The following DYNC1LI2 variants were observed in gnomAD, a reference collection of about 807,000 sequenced individuals.
DYNC1LI2 encodes cytoplasmic dynein 1 light intermediate chain 2.
Under a neutral mutation model 57.8 loss-of-function variants are expected in DYNC1LI2, and 19 were observed. The ratio of observed to expected loss-of-function variants is 0.33; its 90% CI spans 0.23 to 0.48. The LOEUF (loss-of-function observed/expected upper bound fraction) is 0.48, where lower values mean the gene tolerates loss of function less well. DYNC1LI2 is among the 20% of genes least tolerant of loss of function. The pLI, the probability that DYNC1LI2 is intolerant of heterozygous loss-of-function variation, is 0.99. For missense variants in DYNC1LI2, 470 were observed against 604.2 expected (o/e 0.78, Z 2.33); for synonymous variants, 256 against 233.4 (o/e 1.10, Z -0.88).
At chr16:66,725,596 T>C (rs182087765) in intron 12 of DYNC1LI2, among the ~76,000 whole-genome samples, 7 of 152,318 alleles carry the variant, frequency 4.6e-5, no homozygotes, top group Admixed American at 2.0e-4. Context: ...CAACACCCAG[T>C]TCCCGAGAAC....
chr16:66,734,474 T>C (rs2017695127), intron 5 of DYNC1LI2, among the ~76,000 whole-genome samples, 163 bp from the exon 6 acceptor site: 1 of 151,290 alleles, frequency 6.6e-6, no homozygotes, highest in African/African-American at 2.4e-5. Context: ...GAGATTTTTC[T>C]CATTCATCTT....
intron 9 of DYNC1LI2, 75 bp from the exon 10 acceptor site, chr16:66,728,317 C>G: frequency 1.3e-6 from 2 of 1,538,958 alleles, no homozygotes; most frequent in Non-Finnish European, 1.8e-6. Context: ...AAAACTTACT[C>G]CAAGTACTCC....
chr16:66,728,356 G>T, intron 9 of DYNC1LI2, 114 bp from the exon 10 acceptor site: 1 of 1,242,242 alleles, frequency 8.0e-7, no homozygotes, highest in Non-Finnish European at 1.1e-6. Context: ...CAACAACTAA[G>T]TCCTATGTTT....
chr16:66,740,499 G>A (rs914604227), intron 4 of DYNC1LI2, among the ~76,000 whole-genome samples: 4 of 152,208 alleles, frequency 2.6e-5, no homozygotes, highest in African/African-American at 9.7e-5. Flanking sequence ...GGTGGTGACA[G>A]CAGAGAGGCC....
chr16:66,750,809 G>A (rs1295719474), intron 2 of DYNC1LI2, among the ~76,000 whole-genome samples: 1 of 152,108 alleles, frequency 6.6e-6, no homozygotes, highest in Non-Finnish European at 1.5e-5. Context: ...GCATAATGGA[G>A]GAAACGTCCC....
chr16:66,736,054 C>G, intron 5 of DYNC1LI2, 21 bp downstream of exon 5: 1 of 1,603,218 alleles, frequency 6.2e-7, no homozygotes, highest in African/African-American at 1.3e-5. Flanking sequence ...CCAGCCAAGC[C>G]AACAACCCCC....
Position 66,751,147 on chromosome 16 carries a change from C to T in DYNC1LI2, c.181+126G>A. ...CCACTCTCCAGCTGACCGGCCAGGG[C>T]CGACGGTCCCTTTCCCGCCAGGCTG... On this transcript the variant is annotated intron_variant, in intron 2 of 12. Coordinates refer to ENST00000258198, the MANE Select transcript of DYNC1LI2 (RefSeq NM_006141.3). This position sits in a 1 kb window ranked among gnomAD's most constrained non-coding sequence, Gnocchi z 5.2. 1 of 1,130,834 alleles carries T rather than the reference C, an allele frequency of 8.8e-7. No individual in the cohort carries two copies. The highest frequency in any genetic ancestry group is 1.6e-5 in the South Asian group (1 of 64,238). 70.1% of individuals were successfully genotyped at this position (1,130,834 alleles called of 1,614,324 possible). A position where few individuals can be genotyped will look rare whatever the true frequency, so the allele number is the denominator to read the frequency against.
intron 12 of DYNC1LI2, among the ~76,000 whole-genome samples, chr16:66,725,226 C>A (rs936997242): frequency 6.7e-5 from 10 of 150,046 alleles, no homozygotes; most frequent in Admixed American, 6.0e-4. Context: ...CACCTGTAAT[C>A]CCAGCACTTT....
chr16:66,733,193 A>G (rs1207828047), intron 6 of DYNC1LI2: 1 of 152,264 alleles, frequency 6.6e-6, no homozygotes. Flanking sequence ...TTTCTAAGAC[A>G]GTATGATAAA....
In DYNC1LI2 at chr16:66,734,303, C is replaced by T. The variant is rs772042245; in HGVS notation, c.708G>A (p.Ala236=). The stretch of plus-strand genomic sequence containing the variant: ...CGTGCTCCTTCTCCAGGACACTCAC[C>T]GCATCACACTGCAGGGAAGACAGAC... ...PVLVVCTKCD[A]VSVLEKEHDY... is the part of the protein sequence containing the mutation. Residue 236 remains alanine (A), a synonymous_variant, in exon 6 of 13, where the codon GCG becomes GCA. Transcript: ENST00000258198. 13 of 1,613,914 alleles carry T rather than the reference C, an allele frequency of 8.1e-6. No individual in the cohort carries two copies. In the Admixed American group the frequency reaches 8.3e-5, roughly 10 times the overall value.
At chr16:66,741,394 G>C (rs1000405177) in intron 4 of DYNC1LI2, among the ~76,000 whole-genome samples, 1 of 152,216 alleles carries the variant, frequency 6.6e-6, no homozygotes, top group African/African-American at 2.4e-5. Flanking sequence ...TAGCACACAT[G>C]CGGGTGACCA....
At chr16:66,741,700 A>T (rs557123445) in intron 4 of DYNC1LI2, among the ~76,000 whole-genome samples, 1 of 152,174 alleles carries the variant, frequency 6.6e-6, no homozygotes, top group East Asian at 1.9e-4. Context: ...CCATGGCTCC[A>T]GCCCCTGCCC....
In DYNC1LI2 at chr16:66,751,587, G is replaced by A. The variant is rs1334784379; in HGVS notation, c.5C>T (p.Ala2Val). Residue 2 changes from alanine to valine, a missense_variant, in exon 1 of 13, where the codon GCG becomes GTG. By Grantham distance (64) the Ala-to-Val change is moderately conservative. Coordinates refer to ENST00000258198, the MANE Select transcript of DYNC1LI2 (RefSeq NM_006141.3). This position sits in a 1 kb window ranked among gnomAD's most constrained non-coding sequence, Gnocchi z 5.2. M[A>V]PVGVEKKLLL... ...CAGCTTCTTCTCCACCCCCACCGGCGCCATCTTGCCAACTGCAGCCACAAA... is the reference window on the plus strand; with the variant it reads ...CAGCTTCTTCTCCACCCCCACCGGCACCATCTTGCCAACTGCAGCCACAAA... 5.1e-6 allele frequency: 8 copies of A among 1,574,172 alleles called. No individual in the cohort carries two copies. The African/African-American group carries it at 5.7e-5, about 11-fold the overall frequency.
intron 8 of DYNC1LI2, among the ~76,000 whole-genome samples, chr16:66,729,534 C>G (rs893596760): frequency 2.0e-5 from 3 of 151,972 alleles, no homozygotes; most frequent in Admixed American, 2.0e-4. Context: ...CACTACCCCC[C>G]ACAAACTATA....
chr16:66,737,393 A>G (rs970145823), intron 4 of DYNC1LI2, among the ~76,000 whole-genome samples: 4 of 151,154 alleles, frequency 2.6e-5, no homozygotes, highest in African/African-American at 9.8e-5. Flanking sequence ...GTGTGGCAGC[A>G]CGTGCCTGTA....
chr16:66,734,548 G>C (rs753883471), intron 5 of DYNC1LI2, among the ~76,000 whole-genome samples: 1 of 151,198 alleles, frequency 6.6e-6, no homozygotes, highest in Non-Finnish European at 1.5e-5. Flanking sequence ...CTAACAGTTT[G>C]TTCTAAACAT....
intron 2 of DYNC1LI2, 108 bp from the exon 3 acceptor site, chr16:66,749,421 G>T: frequency 9.0e-7 from 1 of 1,109,092 alleles, no homozygotes; most frequent in Non-Finnish European, 1.4e-6. Flanking sequence ...TGCAAAGTCT[G>T]CTGTTGAAGT....
At chr16:66,748,819 C>CGGATTCTCTACTAGAACCA (rs1267357852) in intron 3 of DYNC1LI2, among the ~76,000 whole-genome samples, 1 of 152,226 alleles carries the variant, frequency 6.6e-6, no homozygotes, top group African/African-American at 2.4e-5. Flanking sequence ...ACACCAACTT[C>CGGATTCTCTACTAGAACCA]GGATTCTCTA....
intron 4 of DYNC1LI2, among the ~76,000 whole-genome samples, chr16:66,741,666 C>T (rs1461504239): frequency 1.3e-5 from 2 of 152,042 alleles, no homozygotes; most frequent in Admixed American, 6.6e-5. Context: ...AAGCTTGCCC[C>T]GGCCAGGACG....
Sources: allele counts gnomAD v4.1 joint callset (sites outside exome capture counted in the v4.1 genomes callset), GRCh38; gene constraint gnomAD v4.1.1; non-coding constraint Gnocchi (gnomAD v3.1); transcripts MANE v1.5; gene names NCBI Gene and HGNC (gene_info 2026-07-23, HGNC 2026-07-21).